TJP3: variants seen among roughly 807,000 people sequenced by gnomAD.
TJP3 encodes tight junction protein 3, also known as tight junction protein ZO-3.
Under a neutral mutation model 104.2 loss-of-function variants are expected in TJP3, and 85 were observed. The observed-to-expected ratio is 0.82, with a 90% CI of 0.68 to 0.98. The LOEUF (loss-of-function observed/expected upper bound fraction) is 0.98. Among genes scored for constraint, TJP3 ranks in the 50% least tolerant of loss-of-function variants. TJP3 has a pLI of 0.00. For synonymous variants in TJP3, 550 were observed against 550.6 expected (o/e 1.00, Z 0.02); for missense variants, 1,367 against 1,322.8 (o/e 1.03, Z -0.52).
At position 3,748,831 on chromosome 19, in the gene TJP3, G is replaced by A. The variant is rs1599166739; in HGVS notation, c.2610+750G>A. On this transcript the variant is annotated intron_variant, in intron 19 of 20. Transcript: ENST00000541714. ...CCCAAAGTGCTGGGATTACAGGTGT[G>A]AGCCACTGCACCCGGCCTTTTTTTT... is the stretch of plus-strand genomic sequence containing the variant. Among the ~76,000 whole-genome samples, 5 of 140,832 alleles carry A rather than the reference G, an allele frequency of 3.6e-5. 1 individual carries two copies. In the Middle Eastern group the frequency reaches 0.021, roughly 592 times the overall value. 92.4% of individuals were successfully genotyped at this position (140,832 alleles called of 152,430 possible).
intron 1 of TJP3, among the ~76,000 whole-genome samples, chr19:3,711,838 C>A (rs1435966558): frequency 1.3e-4 from 20 of 151,450 alleles, no homozygotes; most frequent in Admixed American, 1.3e-3. Flanking sequence ...TAATTTGTTT[C>A]CTTTCTTTCT....
At chr19:3,740,212 C>G (rs887449630) in intron 13 of TJP3, among the ~76,000 whole-genome samples, 1 of 150,812 alleles carries the variant, frequency 6.6e-6, no homozygotes, top group South Asian at 2.1e-4. Context: ...AACCTGGCGA[C>G]GGAGCGAGAC....
At chr19:3,716,365 G>T (rs543425739) in intron 1 of TJP3, among the ~76,000 whole-genome samples, 1 of 148,440 alleles carries the variant, frequency 6.7e-6, no homozygotes, top group South Asian at 2.3e-4. Flanking sequence ...GAGTCACCGC[G>T]CTCGGCCTGG....
chr19:3,735,398 C>T (rs2036725491), intron 8 of TJP3, among the ~76,000 whole-genome samples, 168 bp from the exon 9 acceptor site: 1 of 151,870 alleles, frequency 6.6e-6, no homozygotes. Flanking sequence ...GGGGTTTAAC[C>T]TCGTTGGCCA....
chr19:3,730,312 G>T lies in TJP3; in HGVS notation c.262-43G>T, dbSNP rs2036652067. 1 of 1,498,032 alleles carries T rather than the reference G, an allele frequency of 6.7e-7. No homozygotes were observed. Among genetic ancestry groups the T allele is most frequent in the Non-Finnish European group, 8.9e-7 (1 of 1,119,292 alleles). The allele number at this position is 1,498,032 out of a possible 1,614,324, so 92.8% of individuals were successfully genotyped here. A position where few individuals can be genotyped will look rare whatever the true frequency, so the allele number is the denominator to read the frequency against. On this transcript the variant is annotated intron_variant, in intron 4 of 20. Transcript: ENST00000541714. This position sits in a 1 kb window ranked among gnomAD's most constrained non-coding sequence, Gnocchi z 7.3. ...CGGGGGCTGAGCAGAGCCTCCCCCA[G>T]CCCTTGCCTGTAGCTGACCCTTCCT...
chr19:3,750,220 C>T (rs2036973905), intron 20 of TJP3, 36 bp downstream of exon 20: 3 of 1,613,446 alleles, frequency 1.9e-6, no homozygotes, highest in Admixed American at 1.7e-5. Context: ...GGCCCTCAAC[C>T]CTTCCCTTGG....
At chr19:3,718,477 G>A (rs2036512361) in intron 1 of TJP3, among the ~76,000 whole-genome samples, 1 of 150,444 alleles carries the variant, frequency 6.6e-6, no homozygotes, top group Admixed American at 6.7e-5. Flanking sequence ...TGGGGTGGTG[G>A]GGGGCGGGGT....
Position 3,747,883 on chromosome 19 carries a change from C to G in TJP3, c.2412C>G (p.Asn804Lys), listed in dbSNP as rs1168004643. Reference sequence around the variant, plus strand: ...ACCTCAGCTGCGACAGCCGCGTTAACAGCGACTACGAGACGGACGGCGAGG... The same window carrying G: ...ACCTCAGCTGCGACAGCCGCGTTAAGAGCGACTACGAGACGGACGGCGAGG... ...SADLSCDSRV[N>K]SDYETDGEGG... Residue 804 changes from asparagine to lysine, a missense_variant, in exon 19 of 21, where the codon AAC (asparagine) becomes AAG (lysine). By Grantham distance (94) the Asn-to-Lys change is moderately conservative. Coordinates refer to ENST00000541714, the MANE Select transcript of TJP3 (RefSeq NM_001267560.2). The G allele has an allele frequency of 6.2e-7, 1 of 1,613,220 alleles. No homozygotes were observed. Among genetic ancestry groups the G allele is most frequent in the African/African-American group, 1.3e-5 (1 of 75,058 alleles).
chr19:3,734,368 TC>T lies in TJP3; in HGVS notation c.922del (p.His308ThrfsTer33). ...CTCGGAGCTATCGCAGGCACCACCA[TC>T]CCACATCCCACCACCACCCCGGCAT... is the stretch of plus-strand genomic sequence containing the variant. ...LASELSQAPP[S>X]HIPPPPRHAQ... On this transcript the variant is annotated frameshift_variant, in exon 8 of 21. Transcript: ENST00000541714. LOFTEE classifies it high-confidence loss of function. 1 of 1,613,360 alleles carries T rather than the reference TC, an allele frequency of 6.2e-7. No individual in the cohort carries two copies. The highest frequency in any genetic ancestry group is 8.5e-7 in the Non-Finnish European group (1 of 1,179,948).
In TJP3 at chr19:3,736,281, C is replaced by CCGA. The variant is rs2036738838; in HGVS notation, c.1247_1249dup (p.Asp416dup). ...TCCGGGGTGCAGGCGGGCAGCCCGG[C>CCGA]CGACGGGCAGGGCATCCAGGAGGGA... On this transcript the variant is annotated inframe_insertion, in exon 11 of 21. Coordinates refer to ENST00000541714, the MANE Select transcript of TJP3 (RefSeq NM_001267560.2). The CCGA allele has an allele frequency of 6.5e-7, 1 of 1,538,914 alleles. No homozygotes were observed. Among genetic ancestry groups the CCGA allele is most frequent in the South Asian group, 1.3e-5 (1 of 78,532 alleles).
chr19:3,741,293 G>A (rs991472707), intron 14 of TJP3, among the ~76,000 whole-genome samples: 6 of 151,768 alleles, frequency 4.0e-5, no homozygotes, highest in Non-Finnish European at 7.4e-5. Flanking sequence ...GAGCCACCAC[G>A]CCCGGCCTCT....
In TJP3 at chr19:3,747,899, G is replaced by C. The variant is rs1277959063; in HGVS notation, c.2428G>C (p.Asp810His). Residue 810 changes from aspartate (D) to histidine (H), a missense_variant, in exon 19 of 21, where the codon GAC (aspartate) becomes CAC (histidine). Transcript: ENST00000541714. ...DSRVNSDYET[D>H]GEGGAYTDGE... ...CCGCGTTAACAGCGACTACGAGACG[G>C]ACGGCGAGGGCGGCGCGTACACGGA... The C allele has an allele frequency of 1.9e-6, 3 of 1,613,246 alleles. No homozygotes were observed. The highest frequency in any genetic ancestry group is 2.5e-6 in the Non-Finnish European group (3 of 1,179,912).
rs755597992 is a variant in TJP3 at position 3,746,477 on chromosome 19, T to C, written c.2011-8T>C. ...CCCCTCACCCCAACGTCCGCCGGCC[T>C]GGCCCAGGACAAGCATGCGCTCCTG... On this transcript the variant is annotated splice_polypyrimidine_tract_variant and splice_region_variant and intron_variant, in intron 16 of 20. Coordinates refer to ENST00000541714, the MANE Select transcript of TJP3 (RefSeq NM_001267560.2). This position sits in a 1 kb window ranked among gnomAD's most constrained non-coding sequence, Gnocchi z 4.1. 2 of 1,613,628 alleles carry C rather than the reference T, an allele frequency of 1.2e-6. No individual in the cohort carries two copies. The highest frequency in any genetic ancestry group is 1.7e-6 in the Non-Finnish European group (2 of 1,179,908).
Position 3,740,659 on chromosome 19 carries a change from T to C in TJP3, c.1739T>C (p.Leu580Pro). 1 of 1,607,178 alleles carries C rather than the reference T, an allele frequency of 6.2e-7. No homozygotes were observed. The highest frequency in any genetic ancestry group is 2.2e-5 in the East Asian group (1 of 44,614). ...GCCGAGTTCTGGCGGCTGCGGGGTCTTCGTCGAGGAGCCAAGAAGACCACT... is the reference window on the plus strand; with the variant it reads ...GCCGAGTTCTGGCGGCTGCGGGGTCCTCGTCGAGGAGCCAAGAAGACCACT... ...ARAEFWRLRG[L>P]RRGAKKTTQR... The change falls in exon 14 of 21, where the codon CTT becomes CCT. Residue 580 changes from leucine to proline, a missense_variant. Coordinates refer to ENST00000541714, the MANE Select transcript of TJP3 (RefSeq NM_001267560.2).
intron 8 of TJP3, among the ~76,000 whole-genome samples, chr19:3,734,703 T>C (rs2036716580): frequency 6.6e-6 from 1 of 152,072 alleles, no homozygotes; most frequent in East Asian, 1.9e-4. Context: ...GCCTGTAATC[T>C]CAGCACTTTG....
rs1247915185 is a variant in TJP3 at position 3,748,097 on chromosome 19, G to C, written c.2610+16G>C. The C allele has an allele frequency of 6.5e-6, 10 of 1,538,076 alleles. No individual in the cohort carries two copies. The highest frequency in any genetic ancestry group is 1.7e-4 in the Middle Eastern group (1 of 5,924). On this transcript the variant is annotated intron_variant, in intron 19 of 20. Transcript: ENST00000541714. ...GGGGGCCCAGGTGCGTCGGACATGG[G>C]GGGCAGGCCTGGGAAGGGTCTCCGG...
intron 1 of TJP3, among the ~76,000 whole-genome samples, chr19:3,727,726 G>A (rs1315879911): frequency 2.0e-5 from 3 of 152,078 alleles, no homozygotes; most frequent in African/African-American, 4.8e-5. Context: ...GTGAAATCCC[G>A]TCTCTACTAA....
chr19:3,721,922 T>C, intron 1 of TJP3: 1 of 997,804 alleles, frequency 1.0e-6, no homozygotes, highest in Middle Eastern at 3.1e-4. Flanking sequence ...CGAGTAACCC[T>C]CCAAGGGTGG....
At chr19:3,719,145 G>A (rs1045189079) in intron 1 of TJP3, among the ~76,000 whole-genome samples, 2 of 152,014 alleles carry the variant, frequency 1.3e-5, no homozygotes, top group Non-Finnish European at 2.9e-5. Context: ...GACTGCGCCC[G>A]GCACTCCAAC....
Sources: gnomAD v4.1 joint callset for allele counts (sites outside exome capture counted in the v4.1 genomes callset) on GRCh38, gnomAD v4.1.1 for gene constraint, Gnocchi (gnomAD v3.1) non-coding constraint, MANE v1.5 for transcripts, NCBI Gene and HGNC (gene_info 2026-07-23, HGNC 2026-07-21) for gene names.